ZYG11B: variants seen among roughly 807,000 people sequenced by gnomAD.
The protein encoded by ZYG11B is protein zyg-11 homolog B.
ZYG11B carries 36 observed loss-of-function variants against 82.4 expected under a neutral mutation model. The observed-to-expected ratio is 0.44, with a 90% confidence interval of 0.33 to 0.58. The LOEUF (loss-of-function observed/expected upper bound fraction) is 0.58, where lower values mean the gene tolerates loss of function less well. ZYG11B is among the 20% of genes least tolerant of loss of function. ZYG11B has a pLI of 0.02. For missense variants in ZYG11B, 552 were observed against 895.6 expected (o/e 0.62, Z 4.90); for synonymous variants, 303 against 312.8 (o/e 0.97, Z 0.33).
At chr1:52,802,767 G>A (rs1179200385) in intron 10 of ZYG11B, among the ~76,000 whole-genome samples, 2 of 151,886 alleles carry the variant, frequency 1.3e-5, no homozygotes, top group African/African-American at 4.8e-5. Context: ...GAAAATAAAT[G>A]TTATTAAATT....
At chr1:52,748,973 G>C (rs1318201911) in intron 1 of ZYG11B, among the ~76,000 whole-genome samples, 1 of 151,810 alleles carries the variant, frequency 6.6e-6, no homozygotes, top group African/African-American at 2.4e-5. Context: ...GGCTAAGGCA[G>C]GCAGATTGCC....
intron 13 of ZYG11B, among the ~76,000 whole-genome samples, chr1:52,816,972 A>AT (rs113648856): frequency 6.0e-5 from 9 of 148,928 alleles, no homozygotes; most frequent in Admixed American, 6.7e-5. Flanking sequence ...TATTATTATT[A>AT]TTTTTTTTTA....
intron 2 of ZYG11B, among the ~76,000 whole-genome samples, chr1:52,767,132 GTTA>G (rs1375210344): frequency 7.1e-6 from 1 of 141,406 alleles, no homozygotes; most frequent in Non-Finnish European, 1.5e-5. Flanking sequence ...ATTTTATTTT[GTTA>G]TTTTATGTTG....
intron 3 of ZYG11B, among the ~76,000 whole-genome samples, chr1:52,775,239 C>G (rs1460488109): frequency 6.6e-6 from 1 of 152,278 alleles, no homozygotes; most frequent in African/African-American, 2.4e-5. Context: ...ACTTAGAGCT[C>G]TCCCTTGAAG....
At chr1:52,770,249 C>T (rs1391123592) in intron 2 of ZYG11B, among the ~76,000 whole-genome samples, 1 of 151,796 alleles carries the variant, frequency 6.6e-6, no homozygotes, top group Non-Finnish European at 1.5e-5. Flanking sequence ...GACCACTGTG[C>T]CCAACTCGTT....
Position 52,756,522 on chromosome 1 carries a change from A to T in ZYG11B, c.95A>T (p.Lys32Met). 1.2e-6 allele frequency: 2 copies of T among 1,614,144 alleles called. No individual in the cohort carries two copies. The highest frequency in any genetic ancestry group is 1.7e-6 in the Non-Finnish European group (2 of 1,180,034). ...AATTTCTTGACTACTCACCTTGAGA[A>T]GTTCTGTTCAGCCAGACAAGATGGA... ...CLNFLTTHLEKFCSARQDGTL... is the reference protein window; with the variant it reads ...CLNFLTTHLEMFCSARQDGTL... The change falls in exon 2 of 14, where the codon AAG (lysine) becomes ATG (methionine). Residue 32 changes from lysine (K) to methionine (M), a missense_variant. Transcript: ENST00000294353.
intron 8 of ZYG11B, among the ~76,000 whole-genome samples, chr1:52,799,765 A>G (rs1339142594): frequency 6.6e-6 from 1 of 152,172 alleles, no homozygotes; most frequent in Non-Finnish European, 1.5e-5. Flanking sequence ...ACTGCACTCC[A>G]GCCTGGCCAA....
chr1:52,806,792 A>G (rs1318378760), intron 10 of ZYG11B, among the ~76,000 whole-genome samples: 1 of 151,898 alleles, frequency 6.6e-6, no homozygotes, highest in East Asian at 1.9e-4. Context: ...TATTTGGGGT[A>G]TTTGGATCAT....
intron 2 of ZYG11B, among the ~76,000 whole-genome samples, chr1:52,763,110 G>C (rs1463143519): frequency 6.6e-6 from 1 of 151,962 alleles, no homozygotes; most frequent in East Asian, 1.9e-4. Context: ...TCGTAGATAC[G>C]TGAATTAATT....
intron 1 of ZYG11B, among the ~76,000 whole-genome samples, chr1:52,732,680 G>A (rs1644342700): frequency 6.6e-6 from 1 of 151,580 alleles, no homozygotes; most frequent in African/African-American, 2.4e-5. Context: ...CAGGAGAATC[G>A]CTTGAACCCG....
intron 1 of ZYG11B, among the ~76,000 whole-genome samples, chr1:52,735,215 A>G (rs1348190610): frequency 6.7e-6 from 1 of 148,610 alleles, no homozygotes; most frequent in Non-Finnish European, 1.5e-5. Flanking sequence ...TTTTTAGTAG[A>G]GAGGGGTTTC....
chr1:52,785,639 T>C (rs1368379115), intron 5 of ZYG11B, among the ~76,000 whole-genome samples: 1 of 152,148 alleles, frequency 6.6e-6, no homozygotes, highest in Non-Finnish European at 1.5e-5. Flanking sequence ...GTATTCTTAG[T>C]AGAGACAAGG....
chr1:52,798,102 G>A (rs1248455163), intron 8 of ZYG11B, among the ~76,000 whole-genome samples: 1 of 151,782 alleles, frequency 6.6e-6, no homozygotes, highest in Non-Finnish European at 1.5e-5. Flanking sequence ...CAGCCTGGGT[G>A]ATGGAGTGAG....
rs747091251 is a variant in ZYG11B, at chr1:52,801,922, C to A, written c.1589C>A (p.Thr530Asn). The A allele has an allele frequency of 1.9e-6, 3 of 1,612,760 alleles. No homozygotes were observed. In the African/African-American group the frequency reaches 4.0e-5, roughly 22 times the overall value. Residue 530 changes from threonine to asparagine, a missense_variant, in exon 9 of 14, where the codon ACC (threonine) becomes AAC (asparagine). This residue lies in a region of ZYG11B where 66 missense variants were observed against 176.4 expected (regional missense o/e 0.37). Transcript: ENST00000294353. ...TGGAACCTCACAGATGAATCTCCAA[C>A]CACTTGTAGACACTTTATTGAAAAC... ...ALWNLTDESPTTCRHFIENQG... is the reference protein window; with the variant it reads ...ALWNLTDESPNTCRHFIENQG...
intron 6 of ZYG11B, among the ~76,000 whole-genome samples, chr1:52,794,134 C>G (rs1386010071): frequency 6.6e-6 from 1 of 151,972 alleles, no homozygotes; most frequent in Non-Finnish European, 1.5e-5. Flanking sequence ...ACCACCACAC[C>G]CAGCTAATTT....
intron 1 of ZYG11B, among the ~76,000 whole-genome samples, chr1:52,751,572 G>A (rs1032931532): frequency 6.6e-6 from 1 of 152,074 alleles, no homozygotes; most frequent in Admixed American, 6.6e-5. Flanking sequence ...GGCAGAGGTT[G>A]CAGTGAGCCA....
intron 12 of ZYG11B, among the ~76,000 whole-genome samples, chr1:52,814,836 A>G (rs561424681): frequency 8.5e-5 from 13 of 152,340 alleles, no homozygotes; most frequent in African/African-American, 3.1e-4. Context: ...GTCTAAAATA[A>G]AATGACACAT....
chr1:52,732,677 A>G (rs1331949820), intron 1 of ZYG11B, among the ~76,000 whole-genome samples: 2 of 152,158 alleles, frequency 1.3e-5, no homozygotes, highest in Non-Finnish European at 2.9e-5. Flanking sequence ...AGGCAGGAGA[A>G]TCGCTTGAAC....
At position 52,784,941 on chromosome 1, in the gene ZYG11B, G is replaced by C; in HGVS notation, c.1157G>C (p.Cys386Ser). Reference sequence around the variant, plus strand: ...CCAGTGCAACTGGCTGCAAGCGCCTGTGTATTTAACTTAACCAAGCAGGAT... The same window carrying C: ...CCAGTGCAACTGGCTGCAAGCGCCTCTGTATTTAACTTAACCAAGCAGGAT... Reference protein sequence around the residue: ...NLPVQLAASACVFNLTKQDLA... With the variant: ...NLPVQLAASASVFNLTKQDLA... Residue 386 changes from cysteine (C) to serine (S), a missense_variant, in exon 5 of 14, where the codon TGT (cysteine) becomes TCT (serine). Cys to Ser is a moderately radical substitution (Grantham distance 112, BLOSUM62 -1). This residue lies in a region of ZYG11B where 359 missense variants were observed against 555.8 expected (regional missense o/e 0.65). Transcript: ENST00000294353. The C allele has an allele frequency of 1.9e-6, 3 of 1,614,160 alleles. No homozygotes were observed. The highest frequency in any genetic ancestry group is 2.5e-6 in the Non-Finnish European group (3 of 1,180,024).
Sources: allele counts gnomAD v4.1 joint callset (sites outside exome capture counted in the v4.1 genomes callset), GRCh38; gene constraint gnomAD v4.1.1; regional missense constraint gnomAD v4.1.1; transcripts MANE v1.5; gene names NCBI Gene and HGNC (gene_info 2026-07-23, HGNC 2026-07-21).